KPNA4: variants seen among roughly 807,000 people sequenced by gnomAD.
The protein encoded by KPNA4 is karyopherin subunit alpha 4.
Under a neutral mutation model 71.3 loss-of-function variants are expected in KPNA4, and 13 were observed. The observed-to-expected ratio is 0.18, with a 90% CI of 0.12 to 0.29. KPNA4 has a LOEUF of 0.29. Ranked by LOEUF, KPNA4 falls within the 10% of genes least tolerant of loss-of-function variation. KPNA4 has a pLI of 1.00. For synonymous variants in KPNA4, 189 were observed against 195.2 expected, an observed-to-expected ratio of 0.97 and a Z score of 0.26; for missense variants, 334 against 603.2, an observed-to-expected ratio of 0.55 and a Z score of 4.67.
intron 12 of KPNA4, among the ~76,000 whole-genome samples, 199 bp from the exon 13 acceptor site, chr3:160,514,380 C>G (rs1436575518): frequency 6.6e-6 from 1 of 152,186 alleles, no homozygotes; most frequent in Non-Finnish European, 1.5e-5. Context: ...TAATTCAAAT[C>G]ACAATGAACT....
At chr3:160,562,827 ATACT>A (rs1381288075) in intron 1 of KPNA4, among the ~76,000 whole-genome samples, 1 of 152,250 alleles carries the variant, frequency 6.6e-6, no homozygotes, top group Non-Finnish European at 1.5e-5. Context: ...ATGTCAATAT[ATACT>A]TATTTTTTAA....
chr3:160,537,570 A>T (rs539222876), intron 1 of KPNA4, among the ~76,000 whole-genome samples: 5 of 150,920 alleles, frequency 3.3e-5, no homozygotes, highest in Non-Finnish European at 7.4e-5. Context: ...CTGTTTTTAC[A>T]TACAGGTTCA....
intron 15 of KPNA4, among the ~76,000 whole-genome samples, chr3:160,505,289 A>G (rs1425831418): frequency 1.3e-5 from 2 of 152,198 alleles, no homozygotes; most frequent in Non-Finnish European, 2.9e-5. Context: ...AAATAAGTGT[A>G]TAAATAAGTA....
At chr3:160,531,642 C>T (rs529917909) in intron 5 of KPNA4, 85 bp from the exon 6 acceptor site, 4 of 643,150 alleles carry the variant, frequency 6.2e-6, no homozygotes, top group South Asian at 8.0e-5. Flanking sequence ...CAAATATTAA[C>T]ATAAATCTGA....
At chr3:160,535,343 A>C (rs973889288) in intron 5 of KPNA4, among the ~76,000 whole-genome samples, 170 bp downstream of exon 5, 2 of 152,236 alleles carry the variant, frequency 1.3e-5, no homozygotes, top group African/African-American at 4.8e-5. Context: ...ACCAATTTTA[A>C]TATTCTAAAC....
chr3:160,544,878 A>G (rs529661333), intron 1 of KPNA4, among the ~76,000 whole-genome samples: 6 of 152,196 alleles, frequency 3.9e-5, no homozygotes, highest in East Asian at 1.9e-4. Context: ...CTTCTATGTT[A>G]TAAGAACATA....
At chr3:160,534,457 C>A (rs142676520) in intron 5 of KPNA4, among the ~76,000 whole-genome samples, 168 of 152,096 alleles carry the variant, frequency 1.1e-3, no homozygotes, top group African/African-American at 4.0e-3. Context: ...TGGTGGTTCA[C>A]GCCTGTAATC....
Position 160,499,683 on chromosome 3 carries a change from T to G in KPNA4, c.*2421A>C, listed in dbSNP as rs1269845879. The G allele has an allele frequency of 6.6e-6, 1 of 152,174 alleles. No homozygotes were observed. The highest frequency in any genetic ancestry group is 1.5e-5 in the Non-Finnish European group (1 of 68,018). 9.4% of individuals were successfully genotyped at this position (152,174 alleles called of 1,614,324 possible). A position where few individuals can be genotyped will look rare whatever the true frequency, so the allele number is the denominator to read the frequency against. On this transcript the variant is annotated 3_prime_UTR_variant, in exon 17 of 17. Transcript: ENST00000334256. ...GATATTAATATCACCCTTACCTATT[T>G]TCCATATCACTGTTCTATACAATAA...
chr3:160,565,209 T>C lies in KPNA4; in HGVS notation c.69+5A>G. 1 of 1,602,876 alleles carries C rather than the reference T, an allele frequency of 6.2e-7. No individual in the cohort carries two copies. The highest frequency in any genetic ancestry group is 1.4e-5 in the African/African-American group (1 of 73,884). On this transcript the variant is annotated splice_donor_5th_base_variant and intron_variant, in intron 1 of 16. Transcript: ENST00000334256. ...CCACCCCTCCGGCGTCGTCCCCGAG[T>C]TTACCTCCAAGTCGCGGCCTTTGTT...
chr3:160,560,154 G>A (rs1722212564), intron 1 of KPNA4, among the ~76,000 whole-genome samples: 1 of 152,040 alleles, frequency 6.6e-6, no homozygotes, highest in South Asian at 2.1e-4. Context: ...TTTGAGACTG[G>A]CATTAAGGCT....
Position 160,521,812 on chromosome 3 carries a change from A to C in KPNA4, c.870T>G (p.Val290=), listed in dbSNP as rs1721355547. Residue 290 remains valine, a synonymous_variant, in exon 11 of 17, where the codon GTT becomes GTG. Coordinates refer to ENST00000334256, the MANE Select transcript of KPNA4 (RefSeq NM_002268.5). ...VIDSGIVPHL[V]PLLSHQEVKV... The stretch of plus-strand genomic sequence containing the variant: ...TAACTTCCTGGTGGCTGAGCAGAGG[A>C]ACCAAATGAGGAACTATTCCAGAGT... The C allele has an allele frequency of 1.9e-6, 3 of 1,612,344 alleles. No homozygotes were observed. In the African/African-American group the frequency reaches 4.0e-5, roughly 22 times the overall value.
chr3:160,564,304 C>T (rs1301389862), intron 1 of KPNA4: 1 of 151,878 alleles, frequency 6.6e-6, no homozygotes, highest in African/African-American at 2.4e-5. Context: ...TTTAAATAAT[C>T]AAACGTGATG....
intron 2 of KPNA4, among the ~76,000 whole-genome samples, chr3:160,536,156 CA>C (rs1721689325): frequency 6.6e-6 from 1 of 151,900 alleles, no homozygotes; most frequent in Non-Finnish European, 1.5e-5. Flanking sequence ...CAAAACAAAA[CA>C]AAAACAAAAG....
chr3:160,549,251 A>AT (rs1320501664), intron 1 of KPNA4, among the ~76,000 whole-genome samples: 1 of 152,036 alleles, frequency 6.6e-6, no homozygotes, highest in Non-Finnish European at 1.5e-5. Flanking sequence ...TTTTCACTCG[A>AT]TTGTTTCCTT....
intron 6 of KPNA4, 81 bp downstream of exon 6, chr3:160,531,381 G>T (rs1721571073): frequency 7.2e-6 from 5 of 693,304 alleles, no homozygotes; most frequent in South Asian, 3.7e-5. Context: ...TTTCTTTAAA[G>T]ATCAAACTAA....
At chr3:160,502,755 T>C (rs1178506724) in intron 16 of KPNA4, among the ~76,000 whole-genome samples, 1 of 152,096 alleles carries the variant, frequency 6.6e-6, no homozygotes, top group Non-Finnish European at 1.5e-5. Context: ...GGAACAGTAA[T>C]GATGGCCCTA....
intron 11 of KPNA4, among the ~76,000 whole-genome samples, chr3:160,518,458 A>G (rs1721276197): frequency 6.6e-6 from 1 of 150,888 alleles, no homozygotes; most frequent in South Asian, 2.1e-4. Context: ...TGCATGTAGT[A>G]TGAAGTGGGG....
At chr3:160,536,040 T>A (rs1272705062) in intron 2 of KPNA4, 143 bp from the exon 3 acceptor site, 7 of 655,118 alleles carry the variant, frequency 1.1e-5, no homozygotes. Context: ...AATTCAAATG[T>A]AAAAAATTAA....
At chr3:160,523,602 C>A (rs2108549434) in intron 10 of KPNA4, among the ~76,000 whole-genome samples, 1 of 152,282 alleles carries the variant, frequency 6.6e-6, no homozygotes, top group Middle Eastern at 3.4e-3. Flanking sequence ...GCAATCCCAG[C>A]ACTTTGGGGG....
Sources: gnomAD v4.1 joint callset for allele counts (sites outside exome capture counted in the v4.1 genomes callset) on GRCh38, gnomAD v4.1.1 for gene constraint, MANE v1.5 for transcripts, NCBI Gene and HGNC (gene_info 2026-07-23, HGNC 2026-07-21) for gene names.